Variants in EIF3L observed in about 807,000 individuals in gnomAD.
EIF3L encodes eIEF associated protein HSPC021.
In EIF3L, 32 loss-of-function variants were observed where a neutral mutation model predicts 74.6. That is an observed-to-expected ratio of 0.43 (90% CI 0.32 to 0.58). The LOEUF (loss-of-function observed/expected upper bound fraction) is 0.58, where lower values mean the gene tolerates loss of function less well. Among genes scored for constraint, EIF3L ranks in the 20% least tolerant of loss-of-function variants. EIF3L has a pLI of 0.06. For missense variants in EIF3L, 474 were observed against 707.8 expected (o/e 0.67, Z 3.75); for synonymous variants, 256 against 254.4 (o/e 1.01, Z -0.06).
chr22:37,867,770 C>T (rs1470723129), intron 7 of EIF3L, among the ~76,000 whole-genome samples: 4 of 150,476 alleles, frequency 2.7e-5, no homozygotes, highest in South Asian at 2.1e-4. Context: ...CTGGCTAACA[C>T]GGTGAAACCC....
At chr22:37,871,667 A>G (rs1405132361) in intron 8 of EIF3L, among the ~76,000 whole-genome samples, 2 of 152,146 alleles carry the variant, frequency 1.3e-5, no homozygotes, top group Non-Finnish European at 2.9e-5. Flanking sequence ...CAGGAGTTCA[A>G]GACCATCCTG....
intron 11 of EIF3L, 131 bp downstream of exon 11, chr22:37,878,302 G>T: frequency 8.3e-7 from 1 of 1,207,304 alleles, no homozygotes; most frequent in Non-Finnish European, 1.1e-6. Context: ...AAGGTGCCAG[G>T]TGTGGTGGCT....
chr22:37,859,309 C>A (rs1925711727), intron 5 of EIF3L, among the ~76,000 whole-genome samples: 1 of 150,196 alleles, frequency 6.7e-6, no homozygotes, highest in Non-Finnish European at 1.5e-5. Flanking sequence ...ACACATTATC[C>A]CAACTTTGAG....
intron 11 of EIF3L, 198 bp from the exon 12 acceptor site, chr22:37,886,567 C>CT (rs1343457833): frequency 1.1e-4 from 35 of 307,736 alleles, no homozygotes; most frequent in Non-Finnish European, 1.4e-4. Context: ...AACTCCATCT[C>CT]AAAAAAAAAA....
At chr22:37,888,127 AC>A in intron 12 of EIF3L, 1 of 326,016 alleles carries the variant, frequency 3.1e-6, no homozygotes, top group East Asian at 5.2e-5. Context: ...TCTTCCCCTA[AC>A]TGAACTAGTA....
chr22:37,886,904 CGA>C (rs763236511), intron 12 of EIF3L, 59 bp downstream of exon 12: 3 of 1,355,098 alleles, frequency 2.2e-6, no homozygotes, highest in East Asian at 2.4e-5. Flanking sequence ...GGAACTGAAT[CGA>C]GAGTTTACTT....
chr22:37,886,216 A>T (rs1437696566), intron 11 of EIF3L: 12 of 151,182 alleles, frequency 7.9e-5, no homozygotes, highest in Admixed American at 7.9e-4. Context: ...AAGACTAGAA[A>T]ATAAAAGACA....
intron 11 of EIF3L, chr22:37,884,025 C>A (rs1927195678): frequency 6.6e-6 from 1 of 152,176 alleles, no homozygotes; most frequent in African/African-American, 2.4e-5. Flanking sequence ...TTTCTGTCCC[C>A]CCAAAAAGAA....
intron 5 of EIF3L, among the ~76,000 whole-genome samples, chr22:37,862,464 T>G (rs929537845): frequency 6.6e-6 from 1 of 152,204 alleles, no homozygotes; most frequent in African/African-American, 2.4e-5. Context: ...CAACAATATG[T>G]AATGAGTGGG....
intron 7 of EIF3L, among the ~76,000 whole-genome samples, chr22:37,868,402 G>A (rs1926280113): frequency 1.3e-5 from 2 of 151,134 alleles, no homozygotes; most frequent in African/African-American, 2.4e-5. Flanking sequence ...TTGGATAACA[G>A]GTGTAAGCGC....
chr22:37,862,735 C>T (rs1278017111), intron 5 of EIF3L, among the ~76,000 whole-genome samples: 1 of 152,208 alleles, frequency 6.6e-6, no homozygotes, highest in African/African-American at 2.4e-5. Context: ...ATCATCCCTG[C>T]TCTGAGGGTC....
In EIF3L at chr22:37,878,143, C is replaced by T; in HGVS notation, c.1547C>T (p.Ala516Val). ...ISALDGEFQS[A>V]SEVDFYIDKD... Reference sequence around the variant, plus strand: ...GCCCTGGATGGTGAATTTCAGTCAGCCTCAGAGGTTGACTTCTACATTGAT... The same window carrying T: ...GCCCTGGATGGTGAATTTCAGTCAGTCTCAGAGGTTGACTTCTACATTGAT... The change falls in exon 11 of 13, where the codon GCC becomes GTC. Residue 516 changes from alanine (A) to valine (V), a missense_variant. Physicochemically the swap from Ala to Val is moderately conservative, Grantham distance 64. Coordinates refer to ENST00000652021, the MANE Select transcript of EIF3L (RefSeq NM_016091.4). 2 of 1,611,630 alleles carry T rather than the reference C, an allele frequency of 1.2e-6. No individual in the cohort carries two copies. The highest frequency in any genetic ancestry group is 1.7e-6 in the Non-Finnish European group (2 of 1,178,432).
intron 4 of EIF3L, among the ~76,000 whole-genome samples, chr22:37,857,282 A>G (rs1925570169): frequency 1.4e-5 from 2 of 141,656 alleles, no homozygotes; most frequent in Non-Finnish European, 3.0e-5. Flanking sequence ...AGACAGGAGA[A>G]TGGCGTGAAC....
chr22:37,863,881 C>T (rs560669335), intron 7 of EIF3L, among the ~76,000 whole-genome samples: 21 of 151,874 alleles, frequency 1.4e-4, no homozygotes, highest in Admixed American at 7.2e-4. Flanking sequence ...CTGGCTAACA[C>T]GGTGAAACCC....
intron 8 of EIF3L, among the ~76,000 whole-genome samples, chr22:37,873,425 A>G (rs1398180155): frequency 8.1e-6 from 1 of 122,930 alleles, no homozygotes; most frequent in African/African-American, 3.1e-5. Flanking sequence ...CAGCCTCCCA[A>G]GTAGCTGGGC....
At chr22:37,863,390 C>T (rs781109901) in intron 7 of EIF3L, 45 bp downstream of exon 7, 5 of 1,452,112 alleles carry the variant, frequency 3.4e-6, no homozygotes, top group Admixed American at 3.6e-5. Context: ...TGGTCCATGC[C>T]AGGAATAGCT....
chr22:37,858,868 G>C, intron 5 of EIF3L, 128 bp downstream of exon 5: 1 of 847,826 alleles, frequency 1.2e-6, no homozygotes, highest in Non-Finnish European at 1.8e-6. Context: ...ATGTTTTTGA[G>C]TTTTAAGAAG....
chr22:37,851,560 A>G (rs1333766428), intron 3 of EIF3L, 70 bp downstream of exon 3: 5 of 616,574 alleles, frequency 8.1e-6, no homozygotes, highest in African/African-American at 2.6e-5. Context: ...CCTACAAATG[A>G]GGTGAGCACT....
intron 10 of EIF3L, chr22:37,877,463 C>T: frequency 1.7e-6 from 1 of 571,690 alleles, no homozygotes; most frequent in Non-Finnish European, 3.0e-6. Flanking sequence ...GTAAGGAATC[C>T]AGAAGATGGC....
Sources: gnomAD v4.1 joint callset for allele counts (sites outside exome capture counted in the v4.1 genomes callset) on GRCh38, gnomAD v4.1.1 for gene constraint, MANE v1.5 for transcripts, NCBI Gene and HGNC (gene_info 2026-07-23, HGNC 2026-07-21) for gene names.